The following OSBP2 variants were observed in gnomAD, a reference collection of about 807,000 sequenced individuals.
The protein encoded by OSBP2 is oxysterol binding protein 2.
Under a neutral mutation model 96.0 loss-of-function variants are expected in OSBP2, and 66 were observed. That is an observed-to-expected ratio of 0.69 (90% CI 0.56 to 0.84). The LOEUF (loss-of-function observed/expected upper bound fraction) is 0.84. OSBP2 is among the 40% of genes least tolerant of loss of function. The probability of loss-of-function intolerance (pLI) is 0.00; values close to 1 mark genes in which losing one functional copy is unlikely to be tolerated. For synonymous variants in OSBP2, 525 were observed against 520.9 expected (o/e 1.01, Z -0.11); for missense variants, 1,038 against 1,222.7 (o/e 0.85, Z 2.25).
chr22:30,750,315 G>T (rs2090059004), intron 2 of OSBP2, among the ~76,000 whole-genome samples: 1 of 152,180 alleles, frequency 6.6e-6, no homozygotes, highest in South Asian at 2.1e-4. Context: ...CCAGTTCCCT[G>T]TCTTTGGCAT....
At chr22:30,819,823 T>C (rs1050235027) in intron 2 of OSBP2, among the ~76,000 whole-genome samples, 3 of 152,190 alleles carry the variant, frequency 2.0e-5, no homozygotes, top group African/African-American at 7.2e-5. Flanking sequence ...TGAGAGTGAA[T>C]AGACAGTGGG....
At chr22:30,756,011 C>G (rs1569110471) in intron 2 of OSBP2, among the ~76,000 whole-genome samples, 1 of 152,148 alleles carries the variant, frequency 6.6e-6, no homozygotes, top group Non-Finnish European at 1.5e-5. Context: ...GCAGCCTGAC[C>G]CCACTAGGCC....
At chr22:30,802,086 A>G (rs1183413630) in intron 2 of OSBP2, among the ~76,000 whole-genome samples, 1 of 152,196 alleles carries the variant, frequency 6.6e-6, no homozygotes, top group Non-Finnish European at 1.5e-5. Flanking sequence ...GAGGCCATGA[A>G]GTAGGCAGAG....
chr22:30,803,135 TCGGGGCAGGA>T (rs2090878263), intron 2 of OSBP2: 1 of 198,190 alleles, frequency 5.0e-6, no homozygotes, highest in African/African-American at 2.4e-5. Flanking sequence ...CCTCGCAGCC[TCGGGGCAGGA>T]CCCACGTCCA....
At position 30,890,372 on chromosome 22, in the gene OSBP2, CAT is replaced by C. The variant is rs1415114234; in HGVS notation, c.1624-355_1624-354del. On this transcript the variant is annotated intron_variant, in intron 7 of 13. Coordinates refer to ENST00000332585, the MANE Select transcript of OSBP2 (RefSeq NM_030758.4). The surrounding 1 kb of genome is among the most constrained non-coding windows in gnomAD (Gnocchi z 4.4). ...GACCCACTTCCTCCACCCACAGACT[CAT>C]GTGCCCATTCAGTCACTGCTTCCTA... Among the ~76,000 whole-genome samples the C allele has an allele frequency of 1.3e-5, 2 of 152,144 alleles. No individual in the cohort carries two copies. Among genetic ancestry groups the C allele is most frequent in the Non-Finnish European group, 2.9e-5 (2 of 68,024 alleles).
Position 30,862,018 on chromosome 22 carries a change from GCC to G in OSBP2, c.854-8409_854-8408del, listed in dbSNP as rs377727511. 5.6e-4 allele frequency among the ~76,000 whole-genome samples: 86 copies of G among 152,306 alleles called. 1 individual carries two copies. The East Asian group carries it at 0.014, about 26-fold the overall frequency. On this transcript the variant is annotated intron_variant, in intron 2 of 13. Coordinates refer to ENST00000332585, the MANE Select transcript of OSBP2 (RefSeq NM_030758.4). Reference sequence around the variant, plus strand: ...ACCTCATCCCAAAAGCCTTCTCAGAGCCCTACCTGCAGCCTAAAGTCATCTCC... The same window carrying G: ...ACCTCATCCCAAAAGCCTTCTCAGAGCTACCTGCAGCCTAAAGTCATCTCC...
chr22:30,840,629 A>G (rs1487217263), intron 2 of OSBP2, among the ~76,000 whole-genome samples: 1 of 152,212 alleles, frequency 6.6e-6, no homozygotes, highest in Non-Finnish European at 1.5e-5. Flanking sequence ...TGGGATTGAT[A>G]ATAAGGCAAG....
At chr22:30,858,353 A>G (rs1425702541) in intron 2 of OSBP2, among the ~76,000 whole-genome samples, 1 of 150,184 alleles carries the variant, frequency 6.7e-6, no homozygotes, top group East Asian at 2.0e-4. Context: ...TCACCTTGTT[A>G]GCCAGGATGG....
In OSBP2 at chr22:30,761,557, A is replaced by G. The variant is rs900254058; in HGVS notation, c.853+20188A>G. Reference sequence around the variant, plus strand: ...ATGCAATTCCAAAAAAAATCCCAGCAGGACATTTTCTCAGCATAGACAAAC... The same window carrying G: ...ATGCAATTCCAAAAAAAATCCCAGCGGGACATTTTCTCAGCATAGACAAAC... On this transcript the variant is annotated intron_variant, in intron 2 of 13. Coordinates refer to ENST00000332585, the MANE Select transcript of OSBP2 (RefSeq NM_030758.4). Among the ~76,000 whole-genome samples the G allele has an allele frequency of 6.6e-5, 10 of 152,342 alleles. No homozygotes were observed. In the East Asian group the frequency reaches 1.7e-3, roughly 26 times the overall value.
chr22:30,771,115 CT>C (rs925010889), intron 2 of OSBP2, among the ~76,000 whole-genome samples: 3 of 152,232 alleles, frequency 2.0e-5, no homozygotes, highest in Non-Finnish European at 2.9e-5. Flanking sequence ...GACTTGGTCT[CT>C]TCCAAGAAGC....
At chr22:30,765,319 C>T (rs1352898261) in intron 2 of OSBP2, among the ~76,000 whole-genome samples, 1 of 152,190 alleles carries the variant, frequency 6.6e-6, no homozygotes, top group Non-Finnish European at 1.5e-5. Context: ...AGACGATTCT[C>T]CTGCCTCAGC....
chr22:30,879,127 G>A (rs1171662865), intron 3 of OSBP2, among the ~76,000 whole-genome samples: 2 of 152,210 alleles, frequency 1.3e-5, no homozygotes, highest in African/African-American at 4.8e-5. Flanking sequence ...CTTGGCTCAC[G>A]GCCCAGGAGA....
intron 6 of OSBP2, 78 bp from the exon 7 acceptor site, chr22:30,889,412 G>A (rs996756435): frequency 7.1e-6 from 11 of 1,558,950 alleles, no homozygotes; most frequent in Non-Finnish European, 9.7e-6. Flanking sequence ...AGTCCTCAGG[G>A]TGGAGGGCAG....
At position 30,818,690 on chromosome 22, in the gene OSBP2, A is replaced by G. The variant is rs1251917114; in HGVS notation, c.854-51739A>G. Among the ~76,000 whole-genome samples, 3 of 152,164 alleles carry G rather than the reference A, an allele frequency of 2.0e-5. No homozygotes were observed. The East Asian group carries it at 5.8e-4, about 29-fold the overall frequency. On this transcript the variant is annotated intron_variant, in intron 2 of 13. Transcript: ENST00000332585. ...TGTGTGTGTGTGTGCCACATTATTG[A>G]GCAAAGGAAGGAACATAGAGGAAAC... is the stretch of plus-strand genomic sequence containing the variant.
At chr22:30,710,996 C>T (rs1031212848) in intron 1 of OSBP2, among the ~76,000 whole-genome samples, 3 of 152,216 alleles carry the variant, frequency 2.0e-5, no homozygotes, top group African/African-American at 7.2e-5. Flanking sequence ...CCGCCTGCCT[C>T]GGCCTCCCAA....
At chr22:30,721,022 C>T (rs1345874620) in intron 1 of OSBP2, among the ~76,000 whole-genome samples, 1 of 152,060 alleles carries the variant, frequency 6.6e-6, no homozygotes, top group South Asian at 2.1e-4. Flanking sequence ...GTCAGGAGTT[C>T]GAGACTAGCC....
At position 30,905,937 on chromosome 22, in the gene OSBP2, C is replaced by A; in HGVS notation, c.2476C>A (p.Gln826Lys). 1 of 1,612,680 alleles carries A rather than the reference C, an allele frequency of 6.2e-7. No individual in the cohort carries two copies. The highest frequency in any genetic ancestry group is 1.1e-5 in the South Asian group (1 of 91,008). Residue 826 changes from glutamine to lysine, a missense_variant, in exon 13 of 14, where the codon CAG becomes AAG. By Grantham distance (53) the Gln-to-Lys change is moderately conservative (BLOSUM62 1). Coordinates refer to ENST00000332585, the MANE Select transcript of OSBP2 (RefSeq NM_030758.4). ...AACCGACAGCCGCCTGCGGCCCGAC[C>A]AGCGGCTGATGGAGAAGGGCCGTTG... ...APTDSRLRPD[Q>K]RLMEKGRWDE...
At chr22:30,821,816 T>A (rs1403320260) in intron 2 of OSBP2, among the ~76,000 whole-genome samples, 1 of 152,244 alleles carries the variant, frequency 6.6e-6, no homozygotes, top group Admixed American at 6.5e-5. Flanking sequence ...ACAGAGGCAG[T>A]TAATTTCACT....
At position 30,709,670 on chromosome 22, in the gene OSBP2, C is replaced by T. The variant is rs56384036; in HGVS notation, c.644+14117C>T. ...TGCTGAGATTACAGGCATGAGCCAC[C>T]GCACCTGGCCAAATTAGTCTAATTA... is the stretch of plus-strand genomic sequence containing the variant. On this transcript the variant is annotated intron_variant, in intron 1 of 13. Transcript: ENST00000332585. Among the ~76,000 whole-genome samples, 769 of 151,834 alleles carry T rather than the reference C, an allele frequency of 5.1e-3. 3 individuals carry two copies. The highest frequency in any genetic ancestry group is 7.2e-3 in the Non-Finnish European group (490 of 67,946).
Sources: gnomAD v4.1 joint callset for allele counts (sites outside exome capture counted in the v4.1 genomes callset) on GRCh38, gnomAD v4.1.1 for gene constraint, Gnocchi (gnomAD v3.1) non-coding constraint, MANE v1.5 for transcripts, NCBI Gene and HGNC (gene_info 2026-07-23, HGNC 2026-07-21) for gene names.